FAM83H: variants seen among roughly 807,000 people sequenced by gnomAD.
The protein encoded by FAM83H is protein FAM83H.
In FAM83H, 24 loss-of-function variants were observed where a neutral mutation model predicts 30.2. The ratio of observed to expected loss-of-function variants is 0.79; its 90% CI spans 0.57 to 1.12. The LOEUF is 1.12. Among genes scored for constraint, FAM83H ranks in the 50% most tolerant of loss-of-function variants. FAM83H has a pLI of 0.00. For missense variants in FAM83H, 2,038 were observed against 1,773.9 expected, an observed-to-expected ratio of 1.15 and a Z score of -2.67; for synonymous variants, 1,013 against 821.7, an observed-to-expected ratio of 1.23 and a Z score of -3.98.
intron 1 of FAM83H, chr8:143,732,601 C>T (rs1306595423): frequency 2.0e-6 from 2 of 985,270 alleles, no homozygotes; most frequent in African/African-American, 1.7e-5. Flanking sequence ...CAGTGGAAGC[C>T]CCCGTGGCCA....
At position 143,727,022 on chromosome 8, in the gene FAM83H, C is replaced by T. The variant is rs1818322517; in HGVS notation, c.2439G>A (p.Ser813=). Residue 813 remains serine, a synonymous_variant, in exon 5 of 5, where the codon TCG becomes TCA. Coordinates refer to ENST00000388913, the MANE Select transcript of FAM83H (RefSeq NM_198488.5). ...TGTCGAGCAGCTGCGCCGCGGTGAGCGACGCGGCTCCCGGCTGCCGCTCCG... is the reference window on the plus strand; with the variant it reads ...TGTCGAGCAGCTGCGCCGCGGTGAGTGACGCGGCTCCCGGCTGCCGCTCCG... ...QEAERQPGAA[S]LTAAQLLDTL... 1 of 1,564,814 alleles carries T rather than the reference C, an allele frequency of 6.4e-7. No homozygotes were observed. The highest frequency in any genetic ancestry group is 8.6e-7 in the Non-Finnish European group (1 of 1,159,564).
In FAM83H at chr8:143,729,215, C is replaced by G; in HGVS notation, c.556G>C (p.Ala186Pro). The change falls in exon 3 of 5, where the codon GCG becomes CCG. Residue 186 changes from alanine to proline, a missense_variant. Physicochemically the swap from Ala to Pro is conservative, Grantham distance 27. Coordinates refer to ENST00000388913, the MANE Select transcript of FAM83H (RefSeq NM_198488.5). ...PVYILLDEMN[A>P]QHFLDMADKC... ...TCGGCCATGTCCAGGAAGTGCTGCG[C>G]GTTCATCTCATCCAGCAGGATGTAG... The G allele has an allele frequency of 6.2e-7, 1 of 1,613,694 alleles. No individual in the cohort carries two copies. The highest frequency in any genetic ancestry group is 8.5e-7 in the Non-Finnish European group (1 of 1,180,030).
rs1337748280 is a variant in FAM83H, at chr8:143,728,658, G to C, written c.803C>G (p.Ser268Cys). 6.2e-7 allele frequency: 1 copy of C among 1,605,538 alleles called. No individual in the cohort carries two copies. Among genetic ancestry groups the C allele is most frequent in the African/African-American group, 1.3e-5 (1 of 74,932 alleles). ...LAHVFQGELV[S>C]SFDEEFRILF... ...GATGCGGAACTCCTCGTCGAAGCTGGAGACCAGCTCTCCTTGGAACACGTG... is the reference window on the plus strand; with the variant it reads ...GATGCGGAACTCCTCGTCGAAGCTGCAGACCAGCTCTCCTTGGAACACGTG... The change falls in exon 5 of 5, where the codon TCC becomes TGC. Residue 268 changes from serine to cysteine, a missense_variant. By Grantham distance (112) the Ser-to-Cys change is moderately radical. Transcript: ENST00000388913.
At position 143,728,296 on chromosome 8, in the gene FAM83H, C is replaced by A. The variant is rs1818385234; in HGVS notation, c.1165G>T (p.Glu389Ter). The A allele has an allele frequency of 6.8e-7, 1 of 1,476,334 alleles. No homozygotes were observed. Among genetic ancestry groups the A allele is most frequent in the South Asian group, 1.3e-5 (1 of 75,676 alleles). The allele number at this position is 1,476,334 out of a possible 1,614,324, so 91.5% of individuals were successfully genotyped here. The change falls in exon 5 of 5, where the codon GAG becomes TAG. Residue 389 changes from glutamate to a stop codon, truncating the protein, a stop_gained. Transcript: ENST00000388913. LOFTEE classifies it low-confidence loss of function (END_TRUNC). ...RLEAEAGPAGELAGARGFFQA... is the reference protein window; with the variant it reads ...RLEAEAGPAG ...AAGAAGCCCCGCGCGCCCGCGAGCT[C>A]CCCAGCCGGCCCGGCCTCGGCCTCC...
At position 143,729,010 on chromosome 8, in the gene FAM83H, A is replaced by G. The variant is rs1474320266; in HGVS notation, c.694T>C (p.Phe232Leu). 2.5e-6 allele frequency: 4 copies of G among 1,613,502 alleles called. No homozygotes were observed. The African/African-American group carries it at 5.3e-5, about 22-fold the overall frequency. Residue 232 changes from phenylalanine to leucine, a missense_variant, in exon 4 of 5, where the codon TTC (phenylalanine) becomes CTC (leucine). Transcript: ENST00000388913. ...KSFKGHVKEK[F>L]LLVDCAVVMS... is the part of the protein sequence containing the mutation. Reference sequence around the variant, plus strand: ...ACCACGGCACAGTCCACCAGCAGGAACTTCTCCTTGACGTGGCCCTTGAAG... The same window carrying G: ...ACCACGGCACAGTCCACCAGCAGGAGCTTCTCCTTGACGTGGCCCTTGAAG...
rs782136523 is a variant in FAM83H, at chr8:143,729,322, A to G, written c.449T>C (p.Val150Ala). 8 of 1,612,706 alleles carry G rather than the reference A, an allele frequency of 5.0e-6. No homozygotes were observed. The East Asian group carries it at 1.8e-4, about 36-fold the overall frequency. ...ARRMIRSAQQ[V>A]VAVVMDMFTD... ...GAACATGTCCATCACCACGGCCACC[A>G]CCTGCAGGGGCGGGTCAGGACGGAG... Residue 150 changes from valine (V) to alanine (A), a missense_variant and splice_region_variant, in exon 3 of 5, where the codon GTG becomes GCG. By Grantham distance (64) the Val-to-Ala change is moderately conservative. Transcript: ENST00000388913.
intron 1 of FAM83H, chr8:143,732,820 G>A (rs530119735): frequency 2.2e-4 from 176 of 792,024 alleles, no homozygotes; most frequent in East Asian, 5.1e-4. Flanking sequence ...GAGGGAGGGC[G>A]CGGAACCCAC....
Position 143,725,920 on chromosome 8 carries a change from C to T in FAM83H, c.*1G>A. 6.2e-7 allele frequency: 1 copy of T among 1,612,808 alleles called. No homozygotes were observed. On this transcript the variant is annotated 3_prime_UTR_variant, in exon 5 of 5. Coordinates refer to ENST00000388913, the MANE Select transcript of FAM83H (RefSeq NM_198488.5). ...TGGCCTGGGTTGCCAGGCCAGAAGACTCACTTCTTGCTTTTGAACGTGCCC... is the reference window on the plus strand; with the variant it reads ...TGGCCTGGGTTGCCAGGCCAGAAGATTCACTTCTTGCTTTTGAACGTGCCC...
At chr8:143,729,715 G>C (rs11994280) in intron 2 of FAM83H, among the ~76,000 whole-genome samples, 8,568 of 152,302 alleles carry the variant, frequency 0.056, 744 homozygotes, top group African/African-American at 0.18. Flanking sequence ...CCCTGGGCAG[G>C]GGAGAAAGTC....
rs1587458421 is a variant in FAM83H, at chr8:143,729,986, C to T, written c.447+150G>A. The T allele has an allele frequency of 1.4e-5, 10 of 719,312 alleles. No homozygotes were observed. In the East Asian group the frequency reaches 2.5e-4, roughly 18 times the overall value. The allele number at this position is 719,312 out of a possible 1,614,324, so 44.6% of individuals were successfully genotyped here. ...GCCTGCAGCCCCTGATGACCGAGAC[C>T]TGGCAGCCCTGAAGATCTTTGCCAG... On this transcript the variant is annotated intron_variant, in intron 2 of 4. Coordinates refer to ENST00000388913, the MANE Select transcript of FAM83H (RefSeq NM_198488.5).
Position 143,726,447 on chromosome 8 carries a change from C to T in FAM83H, c.3014G>A (p.Gly1005Asp). The T allele has an allele frequency of 6.2e-7, 1 of 1,602,884 alleles. No individual in the cohort carries two copies. The highest frequency in any genetic ancestry group is 8.5e-7 in the Non-Finnish European group (1 of 1,177,512). ...GGCAGCCTCCGTGCTGTCACCCTGGCCCAGTGACAGACGCCGCGGGCTCTC... is the reference window on the plus strand; with the variant it reads ...GGCAGCCTCCGTGCTGTCACCCTGGTCCAGTGACAGACGCCGCGGGCTCTC... ...QPESPRRLSL[G>D]QGDSTEAATE... The change falls in exon 5 of 5, where the codon GGC (glycine) becomes GAC (aspartate). Residue 1005 changes from glycine (G) to aspartate (D), a missense_variant. Physicochemically the swap from Gly to Asp is moderately conservative, Grantham distance 94. Coordinates refer to ENST00000388913, the MANE Select transcript of FAM83H (RefSeq NM_198488.5).
Position 143,727,772 on chromosome 8 carries a change from C to T in FAM83H, c.1689G>A (p.Glu563=). The T allele has an allele frequency of 6.9e-7, 1 of 1,458,268 alleles. No individual in the cohort carries two copies. Among genetic ancestry groups the T allele is most frequent in the Non-Finnish European group, 9.0e-7 (1 of 1,113,128 alleles). The allele number at this position is 1,458,268 out of a possible 1,614,324, so 90.3% of individuals were successfully genotyped here. A position where few individuals can be genotyped will look rare whatever the true frequency, so the allele number is the denominator to read the frequency against. ...GCCCGCCCCTGCGCTCCGGCTCCGC[C>T]TCGGGAGCGGGGTCTGGGCCCGGCC... ...AARPGPDPAP[E]AEPERRGGPE... is the part of the protein sequence containing the mutation. The change falls in exon 5 of 5, where the codon GAG becomes GAA. Residue 563 remains glutamate, a synonymous_variant. Transcript: ENST00000388913.
Position 143,730,138 on chromosome 8 carries a change from G to C in FAM83H, c.445C>G (p.Gln149Glu). ...EARRMIRSAQ[Q>E]VVAVVMDMFT... is the part of the protein sequence containing the mutation. ...CCCTCAAGCCCAAGATGGCGCACCT[G>C]CTGGGCGGAACGGATCATCCTGCGG... Residue 149 changes from glutamine to glutamate, a missense_variant and splice_region_variant, in exon 2 of 5, where the codon CAG becomes GAG. Gln to Glu is a conservative substitution (Grantham distance 29, BLOSUM62 2). Coordinates refer to ENST00000388913, the MANE Select transcript of FAM83H (RefSeq NM_198488.5). 1 of 1,559,796 alleles carries C rather than the reference G, an allele frequency of 6.4e-7. No homozygotes were observed. Among genetic ancestry groups the C allele is most frequent in the South Asian group, 1.2e-5 (1 of 83,132 alleles).
At position 143,726,967 on chromosome 8, in the gene FAM83H, G is replaced by A. The variant is rs781947847; in HGVS notation, c.2494C>T (p.Pro832Ser). ...CTCTGGGCAGAGAGGAAGCGGGAAG[G>A]CAGGCGGTCGGAGCCGCTCCGGCCC... is the stretch of plus-strand genomic sequence containing the variant. Reference protein sequence around the residue: ...TLGRSGSDRLPSRFLSAQSHS... With the variant: ...TLGRSGSDRLSSRFLSAQSHS... The change falls in exon 5 of 5, where the codon CCT (proline) becomes TCT (serine). Residue 832 changes from proline (P) to serine (S), a missense_variant. Coordinates refer to ENST00000388913, the MANE Select transcript of FAM83H (RefSeq NM_198488.5). The A allele has an allele frequency of 2.1e-5, 33 of 1,606,096 alleles. No individual in the cohort carries two copies. The highest frequency in any genetic ancestry group is 2.8e-5 in the Non-Finnish European group (33 of 1,177,472).
chr8:143,728,705 C>T lies in FAM83H; in HGVS notation c.756G>A (p.Glu252=), dbSNP rs1554623568. The change falls in exon 5 of 5, where the codon GAG becomes GAA. Residue 252 remains glutamate, a synonymous_variant. Coordinates refer to ENST00000388913, the MANE Select transcript of FAM83H (RefSeq NM_198488.5). ...CGTGCGCCAGGCTGCGGTGGATCTTCTCAAAGGACCACATGAAGCTGTGGG... is the reference window on the plus strand; with the variant it reads ...CGTGCGCCAGGCTGCGGTGGATCTTTTCAAAGGACCACATGAAGCTGTGGG... ...SGSYSFMWSF[E]KIHRSLAHVF... is the part of the protein sequence containing the mutation. The T allele has an allele frequency of 6.3e-7, 1 of 1,599,948 alleles. No homozygotes were observed. The highest frequency in any genetic ancestry group is 8.5e-7 in the Non-Finnish European group (1 of 1,179,864).
chr8:143,728,404 C>T lies in FAM83H; in HGVS notation c.1057G>A (p.Ala353Thr), dbSNP rs368475752. ...CGCGGCGGCTCCTCCCGGCGGAAGG[C>T]CGACAGGAAGTGGCGGTCCGGGTCG... ...FLDPDRHFLS[A>T]FRREEPPRMP... The change falls in exon 5 of 5, where the codon GCC becomes ACC. Residue 353 changes from alanine (A) to threonine (T), a missense_variant. Transcript: ENST00000388913. 1.5e-3 allele frequency: 2,374 copies of T among 1,547,528 alleles called. 2 individuals carry two copies. Among genetic ancestry groups the T allele is most frequent in the Non-Finnish European group, 1.9e-3 (2,210 of 1,145,224 alleles).
Position 143,732,063 on chromosome 8 carries a change from C to T in FAM83H, c.-15-1466G>A, listed in dbSNP as rs1257796235. 3.0e-6 allele frequency: 3 copies of T among 985,298 alleles called. No homozygotes were observed. In the African/African-American group the frequency reaches 5.2e-5, roughly 17 times the overall value. 61.0% of individuals were successfully genotyped at this position (985,298 alleles called of 1,614,324 possible). ...CTAGGAAGGTGCCCAGAGGAGCGTGCCCCTGGGCGCTGACAGGATGGATGC... is the reference window on the plus strand; with the variant it reads ...CTAGGAAGGTGCCCAGAGGAGCGTGTCCCTGGGCGCTGACAGGATGGATGC... On this transcript the variant is annotated intron_variant, in intron 1 of 4. Transcript: ENST00000388913.
intron 1 of FAM83H, chr8:143,731,777 G>A (rs1262213471): frequency 3.6e-5 from 35 of 985,284 alleles, no homozygotes; most frequent in East Asian, 1.1e-4. Flanking sequence ...TCCTGGGCTC[G>A]CCACCACCAT....
chr8:143,727,551 G>A lies in FAM83H; in HGVS notation c.1910C>T (p.Pro637Leu), dbSNP rs142153660. 0.024 allele frequency: 37,462 copies of A among 1,586,832 alleles called. 650 individuals are homozygous for A. The highest frequency in any genetic ancestry group is 0.067 in the African/African-American group (5,004 of 74,216). Residue 637 changes from proline to leucine, a missense_variant, in exon 5 of 5, where the codon CCC becomes CTC. By Grantham distance (98) the Pro-to-Leu change is moderately conservative. Transcript: ENST00000388913. ...CGGGCCTGGCACCGGGACCTTGGTG[G>A]GGAAGGCTGCTGGGACGCGGAAGGC... ...PSAFRVPAAFPTKVPVPGPGS... is the reference protein window; with the variant it reads ...PSAFRVPAAFLTKVPVPGPGS...
Sources: allele counts gnomAD v4.1 joint callset (sites outside exome capture counted in the v4.1 genomes callset), GRCh38; gene constraint gnomAD v4.1.1; transcripts MANE v1.5; gene names NCBI Gene and HGNC (gene_info 2026-07-23, HGNC 2026-07-21).